The following CD3G variants were observed in gnomAD, a reference collection of about 807,000 sequenced individuals.
CD3G encodes the protein CD3 gamma subunit of T-cell receptor complex, also known as T-cell surface glycoprotein CD3 gamma chain.
A neutral mutation model predicts 28.3 loss-of-function variants in CD3G; 24 were observed. The observed-to-expected ratio is 0.85, with a 90% CI of 0.61 to 1.19. The LOEUF (loss-of-function observed/expected upper bound fraction) is 1.19, where lower values mean the gene tolerates loss of function less well. Among genes scored for constraint, CD3G ranks in the 50% most tolerant of loss-of-function variants. CD3G has a pLI of 0.00. For missense variants in CD3G, 211 were observed against 210.0 expected, an observed-to-expected ratio of 1.00 and a Z score of -0.03; for synonymous variants, 71 against 75.9, an observed-to-expected ratio of 0.93 and a Z score of 0.34.
chr11:118,351,729 G>A, intron 5 of CD3G, 58 bp downstream of exon 5: 1 of 1,504,854 alleles, frequency 6.6e-7, no homozygotes, highest in Non-Finnish European at 9.3e-7. Flanking sequence ...AAATCTTTGG[G>A]ATTGAGGGGC....
intron 6 of CD3G, 79 bp downstream of exon 6, chr11:118,352,566 T>C: frequency 1.0e-6 from 1 of 966,664 alleles, no homozygotes; most frequent in Non-Finnish European, 1.7e-6. Flanking sequence ...CTAGCTCCCT[T>C]CCCTAAGCGG....
At chr11:118,346,200 G>A (rs1171313167) in intron 1 of CD3G, among the ~76,000 whole-genome samples, 3 of 152,086 alleles carry the variant, frequency 2.0e-5, no homozygotes, top group South Asian at 2.1e-4. Context: ...TTGGGAGGTC[G>A]AGGCAGGTGG....
chr11:118,345,419 C>T (rs1437673408), intron 1 of CD3G, among the ~76,000 whole-genome samples: 2 of 152,078 alleles, frequency 1.3e-5, no homozygotes, highest in Non-Finnish European at 2.9e-5. Flanking sequence ...GGTGATTTAG[C>T]ACAGTTTCAG....
intron 1 of CD3G, among the ~76,000 whole-genome samples, chr11:118,347,286 T>C (rs1948365592): frequency 6.6e-6 from 1 of 152,236 alleles, no homozygotes; most frequent in African/African-American, 2.4e-5. Context: ...CCCAGACAAA[T>C]GTCGTTTCCT....
Position 118,349,016 on chromosome 11 carries a change from T to A in CD3G, c.56-11T>A. 1 of 1,614,138 alleles carries A rather than the reference T, an allele frequency of 6.2e-7. No individual in the cohort carries two copies. The highest frequency in any genetic ancestry group is 1.1e-5 in the South Asian group (1 of 91,078). On this transcript the variant is annotated splice_polypyrimidine_tract_variant and intron_variant, in intron 1 of 6. Coordinates refer to ENST00000532917, the MANE Select transcript of CD3G (RefSeq NM_000073.3). ...CCCAGCTAATACTCTATCTCTCTTC[T>A]GTCTTTACAGGTACTTTGGCCCAGT...
intron 2 of CD3G, 153 bp from the exon 3 acceptor site, chr11:118,349,590 T>A (rs751780385): frequency 2.9e-5 from 21 of 728,842 alleles, no homozygotes; most frequent in Middle Eastern, 2.3e-4. Context: ...CCAGAACTAC[T>A]AAATAGCACC....
intron 6 of CD3G, 60 bp downstream of exon 6, chr11:118,352,547 C>T: frequency 4.5e-6 from 5 of 1,120,262 alleles, no homozygotes; most frequent in Non-Finnish European, 4.1e-6. Context: ...CTCGCAATTG[C>T]TTCTAAGTCT....
In CD3G at chr11:118,353,909, C is replaced by G. The variant is rs956260495; in HGVS notation, c.*809C>G. 13 of 152,074 alleles carry G rather than the reference C, an allele frequency of 8.5e-5. No homozygotes were observed. The highest frequency in any genetic ancestry group is 3.1e-4 in the African/African-American group (13 of 41,400). 9.4% of individuals were successfully genotyped at this position (152,074 alleles called of 1,614,324 possible). ...ACATTCTCAAGTACATATTATCCTC[C>G]CTTCCCCTATCTTTTAGACAAATGA... On this transcript the variant is annotated 3_prime_UTR_variant, in exon 7 of 7. Coordinates refer to ENST00000532917, the MANE Select transcript of CD3G (RefSeq NM_000073.3).
intron 1 of CD3G, among the ~76,000 whole-genome samples, chr11:118,345,454 G>A (rs1208318110): frequency 6.6e-6 from 1 of 152,212 alleles, no homozygotes; most frequent in East Asian, 1.9e-4. Flanking sequence ...TGGAAGCCAA[G>A]TGAAAATTGG....
chr11:118,344,561 C>A lies in CD3G; in HGVS notation c.55+83C>A. ...ACTAGTGAGACAGGAATATTGGTAT[C>A]CCTAACCTTCAGCCTACCTCTGCTG... On this transcript the variant is annotated intron_variant, in intron 1 of 6. Coordinates refer to ENST00000532917, the MANE Select transcript of CD3G (RefSeq NM_000073.3). 2.3e-5 allele frequency: 28 copies of A among 1,191,806 alleles called. 1 individual carries two copies. In the South Asian group the frequency reaches 3.5e-4, roughly 15 times the overall value. 73.8% of individuals were successfully genotyped at this position (1,191,806 alleles called of 1,614,324 possible).
chr11:118,352,687 A>G (rs992718045), intron 6 of CD3G, among the ~76,000 whole-genome samples, 200 bp downstream of exon 6: 1 of 152,358 alleles, frequency 6.6e-6, no homozygotes, highest in East Asian at 1.9e-4. Context: ...TATGAATTTT[A>G]TGTATCTGTA....
At chr11:118,352,715 G>A (rs1442119997) in intron 6 of CD3G, among the ~76,000 whole-genome samples, 2 of 152,154 alleles carry the variant, frequency 1.3e-5, no homozygotes, top group African/African-American at 4.8e-5. Context: ...TCAGAGCAGG[G>A]CCTCAAGCCA....
At chr11:118,345,108 A>C (rs1409806160) in intron 1 of CD3G, among the ~76,000 whole-genome samples, 1 of 152,190 alleles carries the variant, frequency 6.6e-6, no homozygotes, top group Non-Finnish European at 1.5e-5. Context: ...GGGAAAGTTA[A>C]AACCATGGAA....
At chr11:118,350,186 G>A (rs1948393513) in intron 3 of CD3G, 1 of 595,852 alleles carries the variant, frequency 1.7e-6, no homozygotes, top group Admixed American at 2.9e-5. Flanking sequence ...GTTTACCTTT[G>A]GGTGGGCTCC....
rs113258047 is a variant in CD3G, at chr11:118,345,388, T to C, written c.55+910T>C. Among the ~76,000 whole-genome samples, 715 of 152,292 alleles carry C rather than the reference T, an allele frequency of 4.7e-3. 3 individuals carry two copies. Among genetic ancestry groups the C allele is most frequent in the Non-Finnish European group, 6.7e-3 (454 of 68,020 alleles). On this transcript the variant is annotated intron_variant, in intron 1 of 6. Transcript: ENST00000532917. The stretch of plus-strand genomic sequence containing the variant: ...TATTTAAAAGTTTAAGTCTGCGGGA[T>C]GTGGCAGAATATGCATCATGGGTGA...
chr11:118,346,420 G>A (rs1158381895), intron 1 of CD3G, among the ~76,000 whole-genome samples: 1 of 151,924 alleles, frequency 6.6e-6, no homozygotes, highest in African/African-American at 2.4e-5. Flanking sequence ...CTGGGCGACA[G>A]AGTGAGACTC....
Position 118,351,642 on chromosome 11 carries a change from A to T in CD3G, c.454A>T (p.Thr152Ser). ...VRQSRASDKQ[T>S]LLPNDQLYQP... ...TTTTTGTGCAGCTTCAGACAAGCAG[A>T]CTCTGTTGCCCAATGACCAGCTCTA... is the stretch of plus-strand genomic sequence containing the variant. Residue 152 changes from threonine (T) to serine (S), a missense_variant, in exon 5 of 7, where the codon ACT (threonine) becomes TCT (serine). Transcript: ENST00000532917. The T allele has an allele frequency of 6.2e-7, 1 of 1,613,978 alleles. No homozygotes were observed. The highest frequency in any genetic ancestry group is 8.5e-7 in the Non-Finnish European group (1 of 1,179,960).
At chr11:118,346,585 G>A (rs1053821889) in intron 1 of CD3G, among the ~76,000 whole-genome samples, 3 of 152,166 alleles carry the variant, frequency 2.0e-5, no homozygotes, top group African/African-American at 4.8e-5. Flanking sequence ...GGAGGCTAGG[G>A]AGGGAGGATC....
At chr11:118,351,698 A>T in intron 5 of CD3G, 27 bp downstream of exon 5, 1 of 1,608,798 alleles carries the variant, frequency 6.2e-7, no homozygotes. Flanking sequence ...TAAAAGAGAC[A>T]TTGCTGTAAT....
Sources: gnomAD v4.1 joint callset for allele counts (sites outside exome capture counted in the v4.1 genomes callset) on GRCh38, gnomAD v4.1.1 for gene constraint, MANE v1.5 for transcripts, NCBI Gene and HGNC (gene_info 2026-07-23, HGNC 2026-07-21) for gene names.